The following UBXN8 variants were observed in gnomAD, a reference collection of about 807,000 sequenced individuals.
The protein encoded by UBXN8 is UBX domain protein 8.
A neutral mutation model predicts 32.1 loss-of-function variants in UBXN8; 27 were observed. The ratio of observed to expected loss-of-function variants is 0.84; its 90% CI spans 0.62 to 1.16. The LOEUF (loss-of-function observed/expected upper bound fraction) is 1.16. Among genes scored for constraint, UBXN8 ranks in the 50% most tolerant of loss-of-function variants. The pLI is 0.00. For missense variants in UBXN8, 306 were observed against 311.4 expected, an observed-to-expected ratio of 0.98 and a Z score of 0.13; for synonymous variants, 109 against 111.8, an observed-to-expected ratio of 0.98 and a Z score of 0.16.
intron 6 of UBXN8, 36 bp from the exon 7 acceptor site, chr8:30,763,237 T>C: frequency 6.3e-7 from 1 of 1,598,800 alleles, no homozygotes; most frequent in Non-Finnish European, 8.6e-7. Context: ...CAAAGAGCAA[T>C]GGATCGGAGT....
At position 30,736,012 on chromosome 8, in the gene UBXN8, A is replaced by C. The variant is rs116312656; in HGVS notation, c.622+2704A>C. 5.7e-3 allele frequency among the ~76,000 whole-genome samples: 874 copies of C among 152,352 alleles called. 9 individuals are homozygous for C. Among genetic ancestry groups the C allele is most frequent in the African/African-American group, 0.02 (822 of 41,582 alleles). The stretch of plus-strand genomic sequence containing the variant: ...ATAGTGGTACAGAAATAACTTTGCA[A>C]ATACAGGTTGCTCAATAAAATTTTT... On this transcript the variant is annotated intron_variant, in intron 1 of 1. Coordinates refer to the UBXN8 transcript ENST00000522968.
intron 1 of UBXN8, among the ~76,000 whole-genome samples, chr8:30,748,318 A>G (rs1361186512): frequency 1.3e-5 from 2 of 151,364 alleles, no homozygotes; most frequent in East Asian, 3.9e-4. Context: ...AAAAATATAT[A>G]TATATTATCT....
intron 4 of UBXN8, 40 bp downstream of exon 4, chr8:30,754,827 CTA>C (rs1805610502): frequency 6.5e-7 from 1 of 1,534,882 alleles, no homozygotes; most frequent in African/African-American, 1.4e-5. Flanking sequence ...AATCCTCTTA[CTA>C]TGTTTCCTAT....
At chr8:30,749,306 T>C (rs966240406) in intron 1 of UBXN8, among the ~76,000 whole-genome samples, 2 of 150,180 alleles carry the variant, frequency 1.3e-5, no homozygotes, top group South Asian at 4.2e-4. Flanking sequence ...GGCAGGAGAA[T>C]AGCTGGAACC....
At chr8:30,765,125 C>T (rs1299270464) in intron 7 of UBXN8, among the ~76,000 whole-genome samples, 2 of 152,028 alleles carry the variant, frequency 1.3e-5, no homozygotes, top group Non-Finnish European at 2.9e-5. Flanking sequence ...GCTGACCAGG[C>T]CAATCTTGAA....
chr8:30,744,599 G>T, intron 1 of UBXN8: 2 of 469,452 alleles, frequency 4.3e-6, no homozygotes, highest in Non-Finnish European at 7.5e-6. Context: ...TTTAGGCTGA[G>T]AAGTTTTTTG....
intron 2 of UBXN8, 123 bp downstream of exon 2, chr8:30,751,641 C>A: frequency 1.3e-6 from 1 of 784,134 alleles, no homozygotes. Flanking sequence ...GGAGAGTAAT[C>A]AGTACAACTT....
chr8:30,744,469 G>A (rs1586091679), intron 1 of UBXN8, 192 bp downstream of exon 1: 1 of 624,868 alleles, frequency 1.6e-6, no homozygotes, highest in East Asian at 2.7e-5. Flanking sequence ...AGGTGTGATG[G>A]TTTTACGTGT....
At chr8:30,739,454 G>C (rs1182615474), upstream of UBXN8, among the ~76,000 whole-genome samples, 1 of 152,170 alleles carries the variant, frequency 6.6e-6, no homozygotes, top group African/African-American at 2.4e-5. Context: ...TGAGGAAGGA[G>C]AACGGCGTGA....
chr8:30,737,809 C>T (rs1291679134), intron 1 of UBXN8, among the ~76,000 whole-genome samples: 1 of 152,088 alleles, frequency 6.6e-6, no homozygotes, highest in Non-Finnish European at 1.5e-5. Context: ...GATTGTACAA[C>T]CACACTGCAG....
chr8:30,734,747 C>T (rs1268101802), intron 1 of UBXN8, among the ~76,000 whole-genome samples: 1 of 152,108 alleles, frequency 6.6e-6, no homozygotes, highest in Non-Finnish European at 1.5e-5. Context: ...AGTTCGAGAC[C>T]AGCGTACGCA....
At chr8:30,757,706 A>G (rs1352514881) in intron 5 of UBXN8, among the ~76,000 whole-genome samples, 2 of 151,718 alleles carry the variant, frequency 1.3e-5, no homozygotes, top group Non-Finnish European at 2.9e-5. Context: ...TAAAAATACA[A>G]AAATTAGCCA....
upstream of UBXN8, among the ~76,000 whole-genome samples, chr8:30,731,564 G>A (rs760872331): frequency 1.3e-5 from 2 of 152,166 alleles, no homozygotes; most frequent in African/African-American, 2.4e-5. Flanking sequence ...ACCCGGAACG[G>A]GAGTCATTAT....
chr8:30,736,217 T>C (rs111362249), intron 1 of UBXN8, among the ~76,000 whole-genome samples: 2,644 of 152,262 alleles, frequency 0.017, 68 homozygotes, highest in African/African-American at 0.059. Context: ...AAGCAAGTTA[T>C]ACAGTAAAGG....
intron 5 of UBXN8, among the ~76,000 whole-genome samples, chr8:30,758,933 A>G (rs1244756847): frequency 8.4e-6 from 1 of 118,672 alleles, no homozygotes. Context: ...TCGCTTTGTC[A>G]CCCAGGCTGG....
chr8:30,751,544 T>G (rs2911689), intron 2 of UBXN8, 26 bp downstream of exon 2: 1,239,564 of 1,559,166 alleles, frequency 0.8, 497,765 homozygotes, highest in East Asian at 0.84. Context: ...ATTCTACCCT[T>G]TTATACCATT....
chr8:30,742,324 A>G (rs559328140), upstream of UBXN8, among the ~76,000 whole-genome samples: 1 of 152,280 alleles, frequency 6.6e-6, no homozygotes, highest in South Asian at 2.1e-4. Flanking sequence ...GGCCCTAGCA[A>G]CAATCTACCT....
At chr8:30,746,271 G>T (rs1476534116) in intron 1 of UBXN8, among the ~76,000 whole-genome samples, 1 of 151,050 alleles carries the variant, frequency 6.6e-6, no homozygotes, top group Non-Finnish European at 1.5e-5. Context: ...CCTCTTTTCA[G>T]TTTTCTTTTT....
At chr8:30,741,454 CTTTTTTTT>C (rs565066061), upstream of UBXN8, among the ~76,000 whole-genome samples, 2 of 116,716 alleles carry the variant, frequency 1.7e-5, no homozygotes, top group South Asian at 2.8e-4. Flanking sequence ...AAGCAATGTT[CTTTTTTTT>C]TTTTTTTTTT....
Sources: gnomAD v4.1 joint callset for allele counts (sites outside exome capture counted in the v4.1 genomes callset) on GRCh38, gnomAD v4.1.1 for gene constraint, MANE v1.5 for transcripts, NCBI Gene and HGNC (gene_info 2026-07-23, HGNC 2026-07-21) for gene names.